TAOK3: variants seen among roughly 807,000 people sequenced by gnomAD.
TAOK3 encodes TAO kinase 3, also known as serine/threonine-protein kinase TAO3.
In TAOK3, 40 loss-of-function variants were observed where a neutral mutation model predicts 120.4. That is an observed-to-expected ratio of 0.33 (90% confidence interval 0.26 to 0.43). The LOEUF is 0.43. TAOK3 is among the 20% of genes least tolerant of loss of function. The probability of loss-of-function intolerance (pLI) is 1.00; values close to 1 mark genes in which losing one functional copy is unlikely to be tolerated. For synonymous variants in TAOK3, 355 were observed against 387.5 expected, an observed-to-expected ratio of 0.92 and a Z score of 0.99; for missense variants, 821 against 1,112.1, an observed-to-expected ratio of 0.74 and a Z score of 3.72.
chr12:118,238,149 C>A lies in TAOK3; in HGVS notation c.361G>T (p.Glu121Ter). ...LLEVHKKPLQ[E>*]VEIAAITHGA... The stretch of plus-strand genomic sequence containing the variant: ...TGAGTAATGGCAGCGATCTCCACTT[C>A]CTGAAGTGGTTTTTTATGAACTGAG... Residue 121 changes from glutamate (E) to a stop codon, truncating the protein, a stop_gained, in exon 7 of 21, where the codon GAA becomes TAA. Transcript: ENST00000392533. LOFTEE classifies it high-confidence loss of function. 2 of 1,610,892 alleles carry A rather than the reference C, an allele frequency of 1.2e-6. No homozygotes were observed. Among genetic ancestry groups the A allele is most frequent in the Non-Finnish European group, 1.7e-6 (2 of 1,178,236 alleles).
In TAOK3 at chr12:118,188,917, G is replaced by A. The variant is rs562876628; in HGVS notation, c.1329+890C>T. On this transcript the variant is annotated intron_variant, in intron 14 of 20. Transcript: ENST00000392533. Reference sequence around the variant, plus strand: ...GAGTTTAGAGTGCCAAGGATGAAACGATGTGAGTGTGTGTGTGTGTGTGTG... The same window carrying A: ...GAGTTTAGAGTGCCAAGGATGAAACAATGTGAGTGTGTGTGTGTGTGTGTG... 1.1e-4 allele frequency among the ~76,000 whole-genome samples: 10 copies of A among 90,604 alleles called. No homozygotes were observed. In the South Asian group the frequency reaches 2.1e-3, roughly 19 times the overall value. 59.4% of individuals were successfully genotyped at this position (90,604 alleles called of 152,430 possible).
chr12:118,221,840 T>C (rs2039248980), intron 9 of TAOK3, among the ~76,000 whole-genome samples: 1 of 151,416 alleles, frequency 6.6e-6, no homozygotes, highest in Middle Eastern at 3.2e-3. Flanking sequence ...TTCACTGTGT[T>C]AGCCAGGATG....
chr12:118,154,809 C>T lies in TAOK3; in HGVS notation c.2353-2400G>A, dbSNP rs150324708. Among the ~76,000 whole-genome samples the T allele has an allele frequency of 6.9e-3, 1,048 of 152,096 alleles. 15 individuals are homozygous for T. The highest frequency in any genetic ancestry group is 0.023 in the African/African-American group (969 of 41,470). On this transcript the variant is annotated intron_variant, in intron 19 of 20. Coordinates refer to ENST00000392533, the MANE Select transcript of TAOK3 (RefSeq NM_016281.4). ...TTTACAGTGGCTTACACTGAAGATA[C>T]GATAAGAGGCAACATAATGTAGAAG...
chr12:118,250,526 T>C (rs1050804036), intron 3 of TAOK3, among the ~76,000 whole-genome samples: 1 of 152,314 alleles, frequency 6.6e-6, no homozygotes, highest in East Asian at 1.9e-4. Flanking sequence ...CTTGCCAGCA[T>C]GACTATGACT....
chr12:118,309,030 T>C (rs1476552963), intron 1 of TAOK3, among the ~76,000 whole-genome samples: 1 of 149,742 alleles, frequency 6.7e-6, no homozygotes, highest in East Asian at 2.0e-4. Context: ...CTCTTTGAAT[T>C]ATATTATTTT....
intron 1 of TAOK3, among the ~76,000 whole-genome samples, chr12:118,310,517 G>A (rs1462163650): frequency 6.6e-6 from 1 of 152,118 alleles, no homozygotes; most frequent in African/African-American, 2.4e-5. Context: ...TCCCTAAACT[G>A]TTAAATCAGC....
rs1026068237 is a variant in TAOK3, at chr12:118,231,402, T to TA, written c.643+2271dup. ...TTTTTTAATTAATACTTCTTTAATG[T>TA]AAAAAAAAAATCCAGATAAATTGTG... On this transcript the variant is annotated intron_variant, in intron 9 of 20. Transcript: ENST00000392533. Among the ~76,000 whole-genome samples the TA allele has an allele frequency of 1.4e-3, 213 of 149,366 alleles. 1 individual carries two copies. Among genetic ancestry groups the TA allele is most frequent in the African/African-American group, 3.9e-3 (161 of 40,854 alleles).
chr12:118,235,469 AC>A, intron 8 of TAOK3, 88 bp downstream of exon 8: 1 of 946,776 alleles, frequency 1.1e-6, no homozygotes, highest in Non-Finnish European at 1.7e-6. Context: ...TTGGTAAGAC[AC>A]TGTCACAAAA....
At chr12:118,300,081 G>C (rs2042824095) in intron 1 of TAOK3, among the ~76,000 whole-genome samples, 1 of 152,168 alleles carries the variant, frequency 6.6e-6, no homozygotes, top group Non-Finnish European at 1.5e-5. Context: ...TTCTGTGCTA[G>C]GTCTAGAATA....
Position 118,150,669 on chromosome 12 carries a change from T to G in TAOK3, c.*328A>C, listed in dbSNP as rs1365050596. ...TGCTTAAAGCAATATACATCCACTT[T>G]TTTTGTTGTTGGTTTATTGGTTTTG... On this transcript the variant is annotated 3_prime_UTR_variant, in exon 21 of 21. Transcript: ENST00000392533. 4.9e-6 allele frequency: 1 copy of G among 204,886 alleles called. No individual in the cohort carries two copies. The highest frequency in any genetic ancestry group is 2.3e-5 in the African/African-American group (1 of 43,340). The allele number at this position is 204,886 out of a possible 1,614,324, so 12.7% of individuals were successfully genotyped here.
chr12:118,267,657 C>A (rs1264580364), intron 1 of TAOK3, among the ~76,000 whole-genome samples: 1 of 151,210 alleles, frequency 6.6e-6, no homozygotes, highest in Non-Finnish European at 1.5e-5. Context: ...GAGGCCAAGG[C>A]AGGCGGATCA....
intron 13 of TAOK3, 171 bp downstream of exon 13, chr12:118,198,880 C>T (rs1045722311): frequency 3.6e-5 from 23 of 644,426 alleles, no homozygotes; most frequent in Non-Finnish European, 5.0e-5. Context: ...ACAGATGTAG[C>T]CTGTGTAGTC....
At chr12:118,330,328 C>G (rs76521314) in intron 1 of TAOK3, among the ~76,000 whole-genome samples, 2,124 of 152,220 alleles carry the variant, frequency 0.014, 53 homozygotes, top group African/African-American at 0.048. Context: ...TTGTCTGTAA[C>G]AATAGTTGTG....
intron 1 of TAOK3, among the ~76,000 whole-genome samples, chr12:118,351,613 T>C (rs2045157507): frequency 6.6e-6 from 1 of 152,174 alleles, no homozygotes; most frequent in African/African-American, 2.4e-5. Context: ...AAGGAAAGTA[T>C]ATATTATTTA....
At position 118,254,561 on chromosome 12, in the gene TAOK3, T is replaced by C. The variant is rs985888642; in HGVS notation, c.120+887A>G. ...GTTATGAAATCATAAAGTATTGATT[T>C]AGGGGTGGAGTCTTGAACAGTAAAG... is the stretch of plus-strand genomic sequence containing the variant. On this transcript the variant is annotated intron_variant, in intron 3 of 20. Coordinates refer to ENST00000392533, the MANE Select transcript of TAOK3 (RefSeq NM_016281.4). 5.3e-5 allele frequency among the ~76,000 whole-genome samples: 8 copies of C among 152,162 alleles called. No individual in the cohort carries two copies. The South Asian group carries it at 1.7e-3, about 32-fold the overall frequency.
intron 1 of TAOK3, among the ~76,000 whole-genome samples, chr12:118,277,549 C>T (rs950554408): frequency 1.3e-5 from 2 of 151,866 alleles, no homozygotes; most frequent in African/African-American, 4.8e-5. Context: ...CAACCTCTGC[C>T]TCCTGGGTTC....
intron 9 of TAOK3, among the ~76,000 whole-genome samples, chr12:118,220,336 T>G (rs2039168360): frequency 6.6e-6 from 1 of 152,130 alleles, no homozygotes. Context: ...CCCCTAATAC[T>G]TTTAAATAAA....
At chr12:118,183,406 C>G (rs2036888090) in intron 14 of TAOK3, among the ~76,000 whole-genome samples, 1 of 152,098 alleles carries the variant, frequency 6.6e-6, no homozygotes, top group African/African-American at 2.4e-5. Flanking sequence ...ATTCATTTCT[C>G]TTTTCTGAAG....
intron 15 of TAOK3, among the ~76,000 whole-genome samples, chr12:118,177,942 A>C (rs2036452187): frequency 6.6e-6 from 1 of 152,146 alleles, no homozygotes; most frequent in South Asian, 2.1e-4. Flanking sequence ...ATGAAAGGAG[A>C]CCTAAGAATA....
Sources: allele counts gnomAD v4.1 joint callset (sites outside exome capture counted in the v4.1 genomes callset), GRCh38; gene constraint gnomAD v4.1.1; transcripts MANE v1.5; gene names NCBI Gene and HGNC (gene_info 2026-07-23, HGNC 2026-07-21).